Variants in PLA2G4C observed in about 807,000 individuals in gnomAD.
PLA2G4C encodes the protein phospholipase A2 group IVC, also known as cytosolic phospholipase A2 gamma.
A neutral mutation model predicts 73.8 loss-of-function variants in PLA2G4C; 64 were observed. The ratio of observed to expected loss-of-function variants is 0.87; its 90% CI spans 0.71 to 1.07. The LOEUF (loss-of-function observed/expected upper bound fraction) is 1.07. Among genes scored for constraint, PLA2G4C ranks in the 50% least tolerant of loss-of-function variants. The pLI is 0.00. For missense variants in PLA2G4C, 622 were observed against 665.4 expected (o/e 0.93, Z 0.72); for synonymous variants, 254 against 252.1 (o/e 1.01, Z -0.07).
At chr19:48,085,278 C>A (rs111654557) in intron 9 of PLA2G4C, among the ~76,000 whole-genome samples, 166 bp from the exon 10 acceptor site, 9 of 152,160 alleles carry the variant, frequency 5.9e-5, no homozygotes, top group Non-Finnish European at 1.0e-4. Context: ...AGTGGGCACC[C>A]GGCACTCTTC....
At chr19:48,090,724 C>A in intron 7 of PLA2G4C, 1 of 364,218 alleles carries the variant, frequency 2.7e-6, no homozygotes. Flanking sequence ...CCATGCCAAC[C>A]CTTCTCAGCA....
At chr19:48,099,581 G>C (rs368097918) in intron 5 of PLA2G4C, 90 bp downstream of exon 5, 1 of 870,986 alleles carries the variant, frequency 1.1e-6, no homozygotes, top group Non-Finnish European at 1.8e-6. Flanking sequence ...GGACTTAAAA[G>C]GTGGTGCTGG....
intron 4 of PLA2G4C, chr19:48,103,373 C>CTGCA (rs1233203074): frequency 6.6e-6 from 1 of 152,392 alleles, no homozygotes; most frequent in Non-Finnish European, 1.5e-5. Context: ...CTCCCAAGCT[C>CTGCA]TGCAGCTCTG....
chr19:48,074,888 TC>T lies in PLA2G4C; in HGVS notation c.899-15del. 1 of 1,558,308 alleles carries T rather than the reference TC, an allele frequency of 6.4e-7. No homozygotes were observed. Among genetic ancestry groups the T allele is most frequent in the Non-Finnish European group, 8.8e-7 (1 of 1,140,678 alleles). ...CACCGCCTTCATCTACGTCAAGAAA[TC>T]CAGGTGGTCTCAGACACTGTCCAAG... is the stretch of plus-strand genomic sequence containing the variant. On this transcript the variant is annotated splice_polypyrimidine_tract_variant and intron_variant, in intron 11 of 16. Transcript: ENST00000599921.
intron 1 of PLA2G4C, among the ~76,000 whole-genome samples, chr19:48,107,269 C>T (rs980520288): frequency 6.6e-6 from 1 of 152,172 alleles, no homozygotes; most frequent in Non-Finnish European, 1.5e-5. Context: ...TTCCTGGGAG[C>T]GGGTCTCAGG....
chr19:48,101,126 ATTTTT>A (rs544287174), intron 4 of PLA2G4C, among the ~76,000 whole-genome samples: 4 of 74,130 alleles, frequency 5.4e-5, no homozygotes, highest in African/African-American at 2.6e-4. Flanking sequence ...ATATATATAT[ATTTTT>A]TTTTTTTTTT....
chr19:48,102,112 A>C (rs1434440852), intron 4 of PLA2G4C, among the ~76,000 whole-genome samples: 1 of 152,146 alleles, frequency 6.6e-6, no homozygotes, highest in African/African-American at 2.4e-5. Context: ...ACGATGTGTC[A>C]AAATGCTAAT....
Position 48,048,315 on chromosome 19 carries a change from C to T in PLA2G4C, c.*28G>A. 6.3e-7 allele frequency: 1 copy of T among 1,584,902 alleles called. No individual in the cohort carries two copies. Among genetic ancestry groups the T allele is most frequent in the Non-Finnish European group, 8.6e-7 (1 of 1,164,264 alleles). Reference sequence around the variant, plus strand: ...TCAGGGCCCTAGTAGACCAACAGGCCCACAGTGCCCTGGAAGCTGAGGCTC... The same window carrying T: ...TCAGGGCCCTAGTAGACCAACAGGCTCACAGTGCCCTGGAAGCTGAGGCTC... On this transcript the variant is annotated 3_prime_UTR_variant, in exon 17 of 17. Transcript: ENST00000599921.
chr19:48,097,543 C>T (rs1481067699), intron 6 of PLA2G4C, among the ~76,000 whole-genome samples: 1 of 151,672 alleles, frequency 6.6e-6, no homozygotes, highest in Non-Finnish European at 1.5e-5. Context: ...TGAGCCACTG[C>T]GCCCGGCCCC....
chr19:48,050,321 G>C (rs1050457615), intron 16 of PLA2G4C, among the ~76,000 whole-genome samples: 9 of 152,114 alleles, frequency 5.9e-5, no homozygotes, highest in Non-Finnish European at 1.2e-4. Context: ...GCCAGGCAGG[G>C]CTTTTGGGGA....
rs1370432719 is a variant in PLA2G4C, at chr19:48,048,198, T to C, written c.*145A>G. 1.6e-6 allele frequency: 1 copy of C among 620,164 alleles called. No homozygotes were observed. The highest frequency in any genetic ancestry group is 2.8e-6 in the Non-Finnish European group (1 of 355,806). The allele number at this position is 620,164 out of a possible 1,614,324, so 38.4% of individuals were successfully genotyped here. A position where few individuals can be genotyped will look rare whatever the true frequency, so the allele number is the denominator to read the frequency against. ...TCAAAATCACAGTCTAGCTGGTCAC[T>C]GGTGATTGGCCCTGTTAGGACAGCC... On this transcript the variant is annotated 3_prime_UTR_variant, in exon 17 of 17. Transcript: ENST00000599921.
intron 13 of PLA2G4C, among the ~76,000 whole-genome samples, chr19:48,066,216 G>A (rs1968415801): frequency 6.6e-6 from 1 of 152,134 alleles, no homozygotes; most frequent in South Asian, 2.1e-4. Flanking sequence ...CATTTTTCAG[G>A]TTAACTTTGG....
chr19:48,071,492 T>G (rs1022566348), intron 12 of PLA2G4C, among the ~76,000 whole-genome samples: 1 of 152,082 alleles, frequency 6.6e-6, no homozygotes, highest in Admixed American at 6.6e-5. Context: ...GAGACAGAGT[T>G]TGCCATGTTG....
intron 9 of PLA2G4C, among the ~76,000 whole-genome samples, chr19:48,086,524 C>G (rs746288977): frequency 3.3e-5 from 5 of 152,170 alleles, no homozygotes; most frequent in Non-Finnish European, 5.9e-5. Context: ...CTGGCTTTGC[C>G]CTGCCACCCG....
chr19:48,086,306 G>C (rs1021057614), intron 9 of PLA2G4C, among the ~76,000 whole-genome samples: 5 of 152,130 alleles, frequency 3.3e-5, no homozygotes, highest in African/African-American at 1.2e-4. Context: ...GCCTCGCCAA[G>C]TGTGTGGGAT....
In PLA2G4C at chr19:48,066,802, G is replaced by A. The variant is rs185739977; in HGVS notation, c.1102+989C>T. 3.0e-4 allele frequency among the ~76,000 whole-genome samples: 46 copies of A among 151,776 alleles called. No homozygotes were observed. The East Asian group carries it at 8.8e-3, about 29-fold the overall frequency. ...CAACATAGTGAGACCCCATCTCTATGAAAAAGAAAAAGAAAAATTAGCCAG... is the reference window on the plus strand; with the variant it reads ...CAACATAGTGAGACCCCATCTCTATAAAAAAGAAAAAGAAAAATTAGCCAG... On this transcript the variant is annotated intron_variant, in intron 13 of 16. Transcript: ENST00000599921.
rs1050414074 is a variant in PLA2G4C, at chr19:48,099,843, T to C, written c.275A>G (p.Tyr92Cys). ...SGSTWAISSLYTNDGDMEALE... is the reference protein window; with the variant it reads ...SGSTWAISSLCTNDGDMEALE... ...AGCTTCCATGTCACCATCATTGGTG[T>C]AGAGAGAAGATATTGCCCTGGAGGA... Residue 92 changes from tyrosine to cysteine, a missense_variant, in exon 5 of 17, where the codon TAC (tyrosine) becomes TGC (cysteine). By Grantham distance (194) the Tyr-to-Cys change is radical (BLOSUM62 -2). Transcript: ENST00000599921. The C allele has an allele frequency of 6.2e-7, 1 of 1,612,316 alleles. No homozygotes were observed. Among genetic ancestry groups the C allele is most frequent in the Non-Finnish European group, 8.5e-7 (1 of 1,178,698 alleles).
intron 10 of PLA2G4C, among the ~76,000 whole-genome samples, chr19:48,082,756 C>T (rs1375986713): frequency 2.0e-5 from 3 of 151,484 alleles, no homozygotes; most frequent in African/African-American, 7.3e-5. Flanking sequence ...ACCTCAACCT[C>T]CCAAAGTGCT....
intron 16 of PLA2G4C, among the ~76,000 whole-genome samples, chr19:48,050,893 C>T (rs879900064): frequency 7.9e-5 from 12 of 151,812 alleles, no homozygotes; most frequent in Non-Finnish European, 1.8e-4. Context: ...CCAGGCTGGT[C>T]TGAACTCCTG....
Sources: allele counts gnomAD v4.1 joint callset (sites outside exome capture counted in the v4.1 genomes callset), GRCh38; gene constraint gnomAD v4.1.1; transcripts MANE v1.5; gene names NCBI Gene and HGNC (gene_info 2026-07-23, HGNC 2026-07-21).